The following METTL15 variants were observed in gnomAD, a reference collection of about 807,000 sequenced individuals.
The protein encoded by METTL15 is 12S rRNA N(4)-cytidine methyltransferase METTL15.
METTL15 carries 34 observed loss-of-function variants against 38.3 expected under a neutral mutation model. The ratio of observed to expected loss-of-function variants is 0.89; its 90% CI spans 0.68 to 1.18. The LOEUF (loss-of-function observed/expected upper bound fraction) is 1.18, where lower values mean the gene tolerates loss of function less well. Ranked by LOEUF, METTL15 falls within the 50% of genes most tolerant of loss-of-function variation. The pLI, the probability that METTL15 is intolerant of heterozygous loss-of-function variation, is 0.00. For synonymous variants in METTL15, 162 were observed against 170.9 expected, an observed-to-expected ratio of 0.95 and a Z score of 0.41; for missense variants, 438 against 498.4, an observed-to-expected ratio of 0.88 and a Z score of 1.15.
rs188825895 is a variant in METTL15 at position 28,322,980 on chromosome 11, G to T, written c.779-7416G>T. Among the ~76,000 whole-genome samples, 8 of 152,216 alleles carry T rather than the reference G, an allele frequency of 5.3e-5. No individual in the cohort carries two copies. In the East Asian group the frequency reaches 1.5e-3, roughly 29 times the overall value. On this transcript the variant is annotated intron_variant, in intron 6 of 6. Coordinates refer to ENST00000407364, the MANE Select transcript of METTL15 (RefSeq NM_001113528.2). ...AACTGAAATTAGTTTTTAAAGATAA[G>T]TAAACTAAGTTGTAGATTATTTTAC...
At chr11:28,328,166 G>T in intron 6 of METTL15, 1 of 1,609,410 alleles carries the variant, frequency 6.2e-7, no homozygotes, top group Non-Finnish European at 8.5e-7. Context: ...ATAGCAAATG[G>T]TAAGAAGCTG....
At chr11:28,378,604 A>G (rs1850347456) in intron 5 of METTL15, among the ~76,000 whole-genome samples, 1 of 152,090 alleles carries the variant, frequency 6.6e-6, no homozygotes, top group African/African-American at 2.4e-5. Context: ...AAATGCAGAA[A>G]TCACCCTTCT....
chr11:28,275,642 C>CAA (rs34145059), intron 4 of METTL15, among the ~76,000 whole-genome samples: 11,098 of 138,774 alleles, frequency 0.08, 713 homozygotes, highest in East Asian at 0.29. Flanking sequence ...ACAAAGATAC[C>CAA]AAAAAAAAAA....
chr11:28,406,688 C>A (rs777314376), intron 5 of METTL15, among the ~76,000 whole-genome samples: 2 of 152,072 alleles, frequency 1.3e-5, no homozygotes, highest in Admixed American at 6.6e-5. Context: ...CTTTCTCTTG[C>A]GTGATTGCCC....
chr11:28,501,392 C>T (rs988919030), intron 6 of METTL15, among the ~76,000 whole-genome samples: 8 of 152,042 alleles, frequency 5.3e-5, no homozygotes, highest in Admixed American at 5.3e-4. Flanking sequence ...GGAAAGAAAG[C>T]ATGAATGTAG....
intron 5 of METTL15, among the ~76,000 whole-genome samples, chr11:28,368,234 AGT>A (rs1850208219): frequency 1.3e-5 from 2 of 152,016 alleles, no homozygotes; most frequent in Admixed American, 1.3e-4. Flanking sequence ...ATGGGAGAAA[AGT>A]TTTGCAATCT....
intron 3 of METTL15, among the ~76,000 whole-genome samples, chr11:28,344,889 T>G (rs1219178136): frequency 6.6e-6 from 1 of 152,218 alleles, no homozygotes; most frequent in African/African-American, 2.4e-5. Flanking sequence ...GAAAGTAAAA[T>G]GAAACGTGAA....
chr11:28,401,998 G>T (rs1190428114), intron 5 of METTL15, among the ~76,000 whole-genome samples: 1 of 151,900 alleles, frequency 6.6e-6, no homozygotes, highest in Non-Finnish European at 1.5e-5. Flanking sequence ...CCTAAAGCAA[G>T]CATTCAGTTC....
At chr11:28,237,595 C>T (rs950811184) in intron 4 of METTL15, among the ~76,000 whole-genome samples, 1 of 152,214 alleles carries the variant, frequency 6.6e-6, no homozygotes, top group African/African-American at 2.4e-5. Flanking sequence ...GCCTTCTTCT[C>T]TCAACTCGTC....
intron 3 of METTL15, among the ~76,000 whole-genome samples, chr11:28,348,925 A>T (rs749658139): frequency 6.6e-6 from 1 of 152,002 alleles, no homozygotes; most frequent in Admixed American, 6.6e-5. Context: ...GGCTCATCAC[A>T]TTCTCAGCCT....
intron 3 of METTL15, among the ~76,000 whole-genome samples, chr11:28,345,577 G>T (rs916657507): frequency 2.6e-5 from 4 of 152,152 alleles, no homozygotes; most frequent in Non-Finnish European, 4.4e-5. Flanking sequence ...ATAATACTTT[G>T]CTGCATCACA....
At chr11:28,479,405 A>G (rs971728037) in intron 6 of METTL15, among the ~76,000 whole-genome samples, 2 of 152,152 alleles carry the variant, frequency 1.3e-5, no homozygotes, top group African/African-American at 4.8e-5. Context: ...GGGACTAAAA[A>G]CTAAGAGATC....
At chr11:28,403,082 A>T (rs1383217951) in intron 5 of METTL15, among the ~76,000 whole-genome samples, 1 of 151,916 alleles carries the variant, frequency 6.6e-6, no homozygotes, top group African/African-American at 2.4e-5. Flanking sequence ...GTCAATTTAA[A>T]TGTTACTGCA....
At chr11:28,242,047 C>G (rs1341211701) in intron 4 of METTL15, among the ~76,000 whole-genome samples, 1 of 152,136 alleles carries the variant, frequency 6.6e-6, no homozygotes, top group Non-Finnish European at 1.5e-5. Context: ...AGGGCAAAAG[C>G]AGGGAAGCTA....
chr11:28,234,833 G>T (rs866783275), intron 4 of METTL15, among the ~76,000 whole-genome samples: 11 of 145,864 alleles, frequency 7.5e-5, no homozygotes, highest in East Asian at 2.0e-4. Context: ...GTCAATTTTG[G>T]CTTTTGTTGC....
intron 4 of METTL15, among the ~76,000 whole-genome samples, chr11:28,243,643 T>A (rs1854393054): frequency 6.6e-6 from 1 of 152,146 alleles, no homozygotes; most frequent in Non-Finnish European, 1.5e-5. Context: ...TTCCAGGATC[T>A]CCAAGTACAT....
At chr11:28,451,456 G>C (rs1017693109) in intron 6 of METTL15, among the ~76,000 whole-genome samples, 9 of 151,932 alleles carry the variant, frequency 5.9e-5, no homozygotes, top group Admixed American at 4.6e-4. Flanking sequence ...GTGGTGGCGG[G>C]CACCTGTAGT....
At chr11:28,386,694 A>G (rs1850444587) in intron 5 of METTL15, among the ~76,000 whole-genome samples, 4 of 151,952 alleles carry the variant, frequency 2.6e-5, no homozygotes, top group Admixed American at 2.6e-4. Context: ...GATGTGGACA[A>G]CATTATAGAC....
intron 3 of METTL15, among the ~76,000 whole-genome samples, chr11:28,128,999 A>G (rs1334008709): frequency 5.3e-5 from 8 of 151,922 alleles, no homozygotes; most frequent in Non-Finnish European, 1.5e-5. Flanking sequence ...TTATTTTTTT[A>G]ATTTCTAACT....
Sources: allele counts gnomAD v4.1 joint callset (sites outside exome capture counted in the v4.1 genomes callset), GRCh38; gene constraint gnomAD v4.1.1; transcripts MANE v1.5; gene names NCBI Gene and HGNC (gene_info 2026-07-23, HGNC 2026-07-21).